Variants in DENND1A observed in about 807,000 individuals in gnomAD.
The protein encoded by DENND1A is DENN domain containing 1A.
A neutral mutation model predicts 113.7 loss-of-function variants in DENND1A; 51 were observed. The observed-to-expected ratio is 0.45, with a 90% CI of 0.36 to 0.57. DENND1A has a LOEUF of 0.57. DENND1A is among the 20% of genes least tolerant of loss of function. DENND1A has a pLI of 0.00. For missense variants in DENND1A, 1,258 were observed against 1,395.9 expected, an observed-to-expected ratio of 0.90 and a Z score of 1.57; for synonymous variants, 565 against 570.8, an observed-to-expected ratio of 0.99 and a Z score of 0.14.
chr9:123,695,143 T>C (rs575219756), intron 5 of DENND1A, among the ~76,000 whole-genome samples: 57 of 152,186 alleles, frequency 3.7e-4, no homozygotes, highest in African/African-American at 1.3e-3. Flanking sequence ...CTCTCCTTGC[T>C]CCTCAGCTTG....
chr9:123,639,050 A>AAG (rs2061874496), intron 9 of DENND1A, among the ~76,000 whole-genome samples: 1 of 146,964 alleles, frequency 6.8e-6, no homozygotes, highest in Non-Finnish European at 1.5e-5. Flanking sequence ...AAAAAAAAAA[A>AAG]AAAAAAAAAA....
At chr9:123,515,816 C>T (rs1427330731) in intron 13 of DENND1A, among the ~76,000 whole-genome samples, 1 of 152,004 alleles carries the variant, frequency 6.6e-6, no homozygotes, top group East Asian at 1.9e-4. Flanking sequence ...GTGGGCGGAT[C>T]CCTTGAGCCC....
At chr9:123,756,113 T>C (rs2070518727) in intron 5 of DENND1A, among the ~76,000 whole-genome samples, 2 of 152,180 alleles carry the variant, frequency 1.3e-5, no homozygotes, top group African/African-American at 4.8e-5. Flanking sequence ...GGTTTCTCCA[T>C]GTTGCTCAGG....
intron 11 of DENND1A, among the ~76,000 whole-genome samples, chr9:123,608,114 G>A (rs1268491451): frequency 6.6e-6 from 1 of 152,124 alleles, no homozygotes; most frequent in African/African-American, 2.4e-5. Context: ...CATAAACTGT[G>A]TACTGTATGT....
At chr9:123,882,330 A>AC (rs1848439040) in intron 1 of DENND1A, among the ~76,000 whole-genome samples, 1 of 127,572 alleles carries the variant, frequency 7.8e-6, no homozygotes, top group Admixed American at 7.3e-5. Flanking sequence ...TTCAAAAAAA[A>AC]AAAAAAAAAA....
At chr9:123,760,895 T>C (rs2070981338) in intron 4 of DENND1A, among the ~76,000 whole-genome samples, 1 of 152,204 alleles carries the variant, frequency 6.6e-6, no homozygotes. Context: ...GGTTGTGCTT[T>C]TAAGAAACAC....
chr9:123,889,000 G>GTGTGTGTGTC (rs1225369221), intron 1 of DENND1A, among the ~76,000 whole-genome samples: 27 of 149,918 alleles, frequency 1.8e-4, no homozygotes, highest in African/African-American at 6.6e-4. Flanking sequence ...GTGTGTGTGT[G>GTGTGTGTGTC]TGTGTGTATT....
At chr9:123,591,377 A>G (rs1266846316) in intron 11 of DENND1A, among the ~76,000 whole-genome samples, 2 of 152,246 alleles carry the variant, frequency 1.3e-5, no homozygotes, top group African/African-American at 2.4e-5. Context: ...TGCACTGGCA[A>G]TGTCAGCCGG....
At chr9:123,736,436 C>T (rs972211540) in intron 5 of DENND1A, 9 of 152,306 alleles carry the variant, frequency 5.9e-5, no homozygotes, top group Admixed American at 5.9e-4. Context: ...TGCCCTGTGT[C>T]TTAGCTTCCT....
intron 21 of DENND1A, chr9:123,402,450 T>C (rs1457279448): frequency 1.9e-6 from 1 of 526,678 alleles, no homozygotes; most frequent in East Asian, 5.5e-5. Flanking sequence ...GCTCCAACTC[T>C]GACTGGGACC....
At chr9:123,901,230 G>C (rs1269209740) in intron 1 of DENND1A, among the ~76,000 whole-genome samples, 1 of 152,156 alleles carries the variant, frequency 6.6e-6, no homozygotes, top group African/African-American at 2.4e-5. Context: ...GCCCAGTCAG[G>C]AGGAATTACA....
chr9:123,676,735 G>A lies in DENND1A; in HGVS notation c.357C>T (p.Tyr119=), dbSNP rs762020047. 3 of 1,613,826 alleles carry A rather than the reference G, an allele frequency of 1.9e-6. No homozygotes were observed. The highest frequency in any genetic ancestry group is 2.5e-6 in the Non-Finnish European group (3 of 1,179,856). ...AGGTAAATACCTGTCTTTTTGTCGT[G>A]TAATCTGCCAGGATGTTAAGCAGCT... ...FYKLLNILAD[Y]TTKRQENQWN... Residue 119 remains tyrosine, a synonymous_variant, in exon 6 of 24, where the codon TAC becomes TAT. Transcript: ENST00000394215.
At chr9:123,383,150 G>A (rs2042369772) in intron 23 of DENND1A, among the ~76,000 whole-genome samples, 3 of 152,210 alleles carry the variant, frequency 2.0e-5, no homozygotes, top group South Asian at 2.1e-4. Context: ...TGAACCCCAC[G>A]GTGTGACCCA....
At chr9:123,523,717 T>A (rs1050406034) in intron 13 of DENND1A, among the ~76,000 whole-genome samples, 1 of 152,192 alleles carries the variant, frequency 6.6e-6, no homozygotes, top group Admixed American at 6.5e-5. Flanking sequence ...TGCTCCTCCA[T>A]CTACTTTGAC....
At position 123,873,845 on chromosome 9, in the gene DENND1A, C is replaced by G. The variant is rs545607514; in HGVS notation, c.88+5106G>C. On this transcript the variant is annotated intron_variant, in intron 2 of 23. Coordinates refer to ENST00000394215, the MANE Select transcript of DENND1A (RefSeq NM_001352964.2). Reference sequence around the variant, plus strand: ...GCAAGCTCCGCCTCCCAGGTTCAAGCGATCCTCCTGCCTCAGCCACCCGAG... The same window carrying G: ...GCAAGCTCCGCCTCCCAGGTTCAAGGGATCCTCCTGCCTCAGCCACCCGAG... Among the ~76,000 whole-genome samples the G allele has an allele frequency of 1.2e-3, 186 of 152,046 alleles. 4 individuals carry two copies. In the South Asian group the frequency reaches 0.037, roughly 31 times the overall value.
chr9:123,606,652 T>C (rs890917057), intron 11 of DENND1A, among the ~76,000 whole-genome samples: 2 of 152,270 alleles, frequency 1.3e-5, no homozygotes, highest in Non-Finnish European at 2.9e-5. Flanking sequence ...TGATGCCTAT[T>C]AGAGGGCTTC....
chr9:123,886,850 G>C (rs1376458884), intron 1 of DENND1A, among the ~76,000 whole-genome samples: 1 of 152,154 alleles, frequency 6.6e-6, no homozygotes, highest in Non-Finnish European at 1.5e-5. Context: ...GTCGTTTCAA[G>C]ACTACACTTA....
intron 5 of DENND1A, among the ~76,000 whole-genome samples, chr9:123,701,527 G>C (rs1212258291): frequency 6.6e-6 from 1 of 152,130 alleles, no homozygotes; most frequent in Non-Finnish European, 1.5e-5. Context: ...TCTAACTCCA[G>C]GCCGACACCT....
At chr9:123,445,065 C>T (rs1012442648) in intron 18 of DENND1A, among the ~76,000 whole-genome samples, 1 of 152,182 alleles carries the variant, frequency 6.6e-6, no homozygotes, top group African/African-American at 2.4e-5. Context: ...TATTATTTTC[C>T]TTGAGTGTTT....
Sources: gnomAD v4.1 joint callset for allele counts (sites outside exome capture counted in the v4.1 genomes callset) on GRCh38, gnomAD v4.1.1 for gene constraint, MANE v1.5 for transcripts, NCBI Gene and HGNC (gene_info 2026-07-23, HGNC 2026-07-21) for gene names.